The following MRPL1 variants were observed in gnomAD, a reference collection of about 807,000 sequenced individuals.
MRPL1 encodes the protein mitochondrial ribosomal protein L1.
In MRPL1, 28 loss-of-function variants were observed where a neutral mutation model predicts 38.0. That is an observed-to-expected ratio of 0.74 (90% CI 0.55 to 1.01). MRPL1 has a LOEUF of 1.01. Ranked by LOEUF, MRPL1 falls within the 50% of genes least tolerant of loss-of-function variation. The pLI, the probability that MRPL1 is intolerant of heterozygous loss-of-function variation, is 0.00. For missense variants in MRPL1, 358 were observed against 389.8 expected (o/e 0.92, Z 0.69); for synonymous variants, 123 against 126.7 (o/e 0.97, Z 0.20).
intron 7 of MRPL1, among the ~76,000 whole-genome samples, chr4:77,944,705 G>C (rs940601610): frequency 6.6e-6 from 1 of 152,170 alleles, no homozygotes; most frequent in African/African-American, 2.4e-5. Flanking sequence ...ATTAGGCAGA[G>C]AGAAAAATTC....
intron 7 of MRPL1, among the ~76,000 whole-genome samples, chr4:77,911,632 T>A (rs768823938): frequency 1.4e-4 from 21 of 152,066 alleles, no homozygotes; most frequent in Non-Finnish European, 2.6e-4. Context: ...GTATATAAAA[T>A]CATGGTAATA....
intron 2 of MRPL1, among the ~76,000 whole-genome samples, chr4:77,881,664 C>G (rs1261902987): frequency 6.6e-6 from 1 of 152,092 alleles, no homozygotes; most frequent in East Asian, 1.9e-4. Context: ...TGGTCTTGAA[C>G]TCCTGGCCTC....
Position 77,868,009 on chromosome 4 carries a change from G to A in MRPL1, c.32-3735G>A, listed in dbSNP as rs1257256854. ...CTGACCTCGTGATCCGCCCACCTCAGCCCCCCAAAGTGCTGGGATTACAGA... is the reference window on the plus strand; with the variant it reads ...CTGACCTCGTGATCCGCCCACCTCAACCCCCCAAAGTGCTGGGATTACAGA... On this transcript the variant is annotated intron_variant, in intron 1 of 8. Transcript: ENST00000315567. Among the ~76,000 whole-genome samples, 6 of 151,666 alleles carry A rather than the reference G, an allele frequency of 4.0e-5. No individual in the cohort carries two copies. The East Asian group carries it at 5.8e-4, about 15-fold the overall frequency.
chr4:77,933,400 C>G (rs1489675962), intron 7 of MRPL1, among the ~76,000 whole-genome samples: 2 of 152,102 alleles, frequency 1.3e-5, no homozygotes, highest in Admixed American at 6.5e-5. Context: ...AAATAAAGCC[C>G]CAGCTTTCTT....
intron 1 of MRPL1, among the ~76,000 whole-genome samples, chr4:77,867,530 C>G (rs1198358915): frequency 2.7e-5 from 4 of 149,972 alleles, no homozygotes; most frequent in Non-Finnish European, 5.9e-5. Context: ...TTGGATAATT[C>G]TTTTCTTTTT....
intron 7 of MRPL1, among the ~76,000 whole-genome samples, chr4:77,915,899 T>C (rs1736413696): frequency 6.6e-6 from 1 of 152,218 alleles, no homozygotes; most frequent in South Asian, 2.1e-4. Context: ...TATATTGCTA[T>C]CACATAGACA....
intron 1 of MRPL1, among the ~76,000 whole-genome samples, chr4:77,868,219 T>G (rs1735200059): frequency 6.6e-6 from 1 of 151,562 alleles, no homozygotes; most frequent in Non-Finnish European, 1.5e-5. Flanking sequence ...CGTGTCACCA[T>G]GCCCAGCTAA....
chr4:77,928,899 C>T (rs1025039795), intron 7 of MRPL1, among the ~76,000 whole-genome samples: 1 of 152,124 alleles, frequency 6.6e-6, no homozygotes. Flanking sequence ...GTGTGACTCT[C>T]CCCTACTAAC....
intron 6 of MRPL1, among the ~76,000 whole-genome samples, chr4:77,897,134 T>G (rs2110242037): frequency 6.6e-6 from 1 of 152,236 alleles, no homozygotes; most frequent in African/African-American, 2.4e-5. Context: ...GGGTGCAGTC[T>G]CGGCTCACTG....
chr4:77,949,058 A>T (rs1737344753), intron 7 of MRPL1, among the ~76,000 whole-genome samples: 1 of 152,258 alleles, frequency 6.6e-6, no homozygotes, highest in East Asian at 1.9e-4. Context: ...GGCGTGAGCC[A>T]CCGTGCCCAG....
chr4:77,922,337 G>A (rs1407969585), intron 7 of MRPL1, among the ~76,000 whole-genome samples: 1 of 152,226 alleles, frequency 6.6e-6, no homozygotes, highest in Admixed American at 6.5e-5. Context: ...TGGTATGGTT[G>A]AGGACTAGCA....
chr4:77,920,586 G>A (rs1229795122), intron 7 of MRPL1, among the ~76,000 whole-genome samples: 1 of 152,170 alleles, frequency 6.6e-6, no homozygotes, highest in South Asian at 2.1e-4. Flanking sequence ...GAACCTGCAT[G>A]TGGGATCACC....
intron 6 of MRPL1, among the ~76,000 whole-genome samples, chr4:77,898,892 G>T (rs1735975999): frequency 6.6e-6 from 1 of 151,624 alleles, no homozygotes; most frequent in Non-Finnish European, 1.5e-5. Context: ...TGATAGCAGT[G>T]AACAAGACAG....
chr4:77,925,303 T>C (rs1736688941), intron 7 of MRPL1, among the ~76,000 whole-genome samples: 2 of 151,836 alleles, frequency 1.3e-5, no homozygotes, highest in South Asian at 4.1e-4. Context: ...TATTTAACTG[T>C]GAATAGATTT....
intron 7 of MRPL1, among the ~76,000 whole-genome samples, chr4:77,930,171 C>A (rs2110258915): frequency 6.6e-6 from 1 of 152,268 alleles, no homozygotes; most frequent in Non-Finnish European, 1.5e-5. Context: ...GAGAGAGCTC[C>A]AGGAGAAACC....
intron 1 of MRPL1, among the ~76,000 whole-genome samples, chr4:77,870,078 G>C (rs892366788): frequency 2.0e-5 from 3 of 151,520 alleles, no homozygotes; most frequent in African/African-American, 7.3e-5. Context: ...ATTTTTTGTA[G>C]AGATGGGGTT....
intron 7 of MRPL1, among the ~76,000 whole-genome samples, chr4:77,948,532 A>G (rs904949184): frequency 7.2e-5 from 11 of 152,118 alleles, no homozygotes; most frequent in African/African-American, 1.2e-4. Context: ...GTAATGTCCA[A>G]CCTTTCTCAT....
intron 6 of MRPL1, among the ~76,000 whole-genome samples, chr4:77,904,148 G>A (rs1005776606): frequency 3.3e-5 from 5 of 152,048 alleles, no homozygotes; most frequent in East Asian, 1.9e-4. Flanking sequence ...TTGGGAGGCC[G>A]AGGTGGGAGG....
intron 2 of MRPL1, among the ~76,000 whole-genome samples, chr4:77,872,310 C>A (rs1735299696): frequency 6.6e-6 from 1 of 150,550 alleles, no homozygotes; most frequent in South Asian, 2.1e-4. Flanking sequence ...AATTTAATTT[C>A]TTTCTGTCCT....
Sources: allele counts gnomAD v4.1 joint callset (sites outside exome capture counted in the v4.1 genomes callset), GRCh38; gene constraint gnomAD v4.1.1; transcripts MANE v1.5; gene names NCBI Gene and HGNC (gene_info 2026-07-23, HGNC 2026-07-21).